ANK1: variants seen among roughly 807,000 people sequenced by gnomAD.
The protein encoded by ANK1 is ankyrin 1.
In ANK1, 51 loss-of-function variants were observed where a neutral mutation model predicts 210.4. The ratio of observed to expected loss-of-function variants is 0.24; its 90% CI spans 0.19 to 0.31. The LOEUF is 0.31. Among genes scored for constraint, ANK1 ranks in the 10% least tolerant of loss-of-function variants. ANK1 has a pLI of 1.00. For missense variants in ANK1, 2,051 were observed against 2,504.4 expected (o/e 0.82, Z 3.86); for synonymous variants, 967 against 1,025.9 (o/e 0.94, Z 1.10).
chr8:41,710,216 C>T (rs1328390412), intron 16 of ANK1, among the ~76,000 whole-genome samples: 3 of 152,166 alleles, frequency 2.0e-5, no homozygotes, highest in Non-Finnish European at 4.4e-5. Context: ...TCATCACTGC[C>T]GAAAACCACT....
chr8:41,745,117 G>GAGGAAAGGATGGAGGGGAGC (rs1471089299), intron 2 of ANK1, among the ~76,000 whole-genome samples: 16 of 152,100 alleles, frequency 1.1e-4, no homozygotes, highest in Non-Finnish European at 2.1e-4. Context: ...GAGACAGAGA[G>GAGGAAAGGATGGAGGGGAGC]AGGAAAGGAT....
intron 3 of ANK1, among the ~76,000 whole-genome samples, chr8:41,732,436 G>A (rs936170195): frequency 2.4e-4 from 37 of 152,214 alleles, no homozygotes; most frequent in African/African-American, 8.4e-4. Flanking sequence ...TTTTTGAGAG[G>A]GAGTCTGTCT....
intron 18 of ANK1, 94 bp downstream of exon 18, chr8:41,706,049 T>C: frequency 8.2e-7 from 1 of 1,221,848 alleles, no homozygotes; most frequent in Non-Finnish European, 1.2e-6. Flanking sequence ...AATGTCCCAC[T>C]GGGTCTTTGG....
chr8:41,709,262 G>A (rs1021428085), intron 16 of ANK1, among the ~76,000 whole-genome samples: 2 of 152,168 alleles, frequency 1.3e-5, no homozygotes, highest in African/African-American at 4.8e-5. Flanking sequence ...AGGAAGGCTG[G>A]GTAAGGAAAT....
At chr8:41,791,961 T>C (rs1847828013) in intron 1 of ANK1, among the ~76,000 whole-genome samples, 1 of 152,150 alleles carries the variant, frequency 6.6e-6, no homozygotes, top group East Asian at 1.9e-4. Context: ...CTAATCTGTC[T>C]ATAAACAAGT....
chr8:41,660,145 G>C (rs1807434375), intron 42 of ANK1, among the ~76,000 whole-genome samples: 1 of 152,142 alleles, frequency 6.6e-6, no homozygotes, highest in African/African-American at 2.4e-5. Context: ...TGGCAGTGCA[G>C]GGGTTAACAC....
At chr8:41,887,294 G>A (rs1446547934) in intron 1 of ANK1, among the ~76,000 whole-genome samples, 7 of 123,670 alleles carry the variant, frequency 5.7e-5, no homozygotes, top group African/African-American at 2.3e-4. Flanking sequence ...TGTCACCCAA[G>A]CTGGAGTGCT....
At chr8:41,658,903 TAA>T (rs1806757009) in intron 42 of ANK1, among the ~76,000 whole-genome samples, 1 of 60,854 alleles carries the variant, frequency 1.6e-5, no homozygotes, top group Non-Finnish European at 3.2e-5. Flanking sequence ...AAAATATAAA[TAA>T]ATAAATAAAT....
chr8:41,659,376 G>GTTGGGCGT (rs1807007686), intron 42 of ANK1, among the ~76,000 whole-genome samples: 1 of 152,234 alleles, frequency 6.6e-6, no homozygotes, highest in South Asian at 2.1e-4. Context: ...GGATTGCACG[G>GTTGGGCGT]GTTGGGCGAC....
intron 1 of ANK1, among the ~76,000 whole-genome samples, chr8:41,877,392 G>GAATTC (rs1816789350): frequency 6.6e-6 from 1 of 152,258 alleles, no homozygotes. Context: ...CTTTCCAGCT[G>GAATTC]AGACCCTGGG....
chr8:41,788,687 G>A (rs1232700829), intron 1 of ANK1, among the ~76,000 whole-genome samples: 2 of 152,074 alleles, frequency 1.3e-5, no homozygotes, highest in Non-Finnish European at 2.9e-5. Context: ...CAATCCCCTC[G>A]ATTTAGGACC....
At chr8:41,739,923 T>C (rs1171837988) in intron 2 of ANK1, among the ~76,000 whole-genome samples, 1 of 152,126 alleles carries the variant, frequency 6.6e-6, no homozygotes, top group Non-Finnish European at 1.5e-5. Context: ...CTCTTCCTTA[T>C]TACAACATGT....
chr8:41,666,197 A>G (rs1810501579), intron 39 of ANK1, among the ~76,000 whole-genome samples: 3 of 152,144 alleles, frequency 2.0e-5, no homozygotes, highest in South Asian at 4.1e-4. Context: ...TGGGACAATC[A>G]TGCCGCTTAT....
chr8:41,750,197 G>A (rs488758), intron 2 of ANK1, among the ~76,000 whole-genome samples: 47,984 of 152,064 alleles, frequency 0.32, 8,230 homozygotes, highest in East Asian at 0.65. Flanking sequence ...CCAAATGCCC[G>A]CAACCCTTTA....
intron 39 of ANK1, among the ~76,000 whole-genome samples, chr8:41,666,938 G>A (rs1810741400): frequency 6.6e-6 from 1 of 152,212 alleles, no homozygotes; most frequent in Non-Finnish European, 1.5e-5. Context: ...GAGGGAGTTG[G>A]ATGTGTGATC....
At chr8:41,840,523 G>A (rs527550879) in intron 1 of ANK1, among the ~76,000 whole-genome samples, 12 of 152,304 alleles carry the variant, frequency 7.9e-5, no homozygotes, top group Middle Eastern at 3.4e-3. Flanking sequence ...GGGGATGGAC[G>A]TCAGAGGTCC....
chr8:41,867,737 G>A (rs552454600), intron 1 of ANK1, among the ~76,000 whole-genome samples: 1 of 152,278 alleles, frequency 6.6e-6, no homozygotes, highest in African/African-American at 2.4e-5. Flanking sequence ...GCTGTCAGCT[G>A]TCTCCCCCAC....
intron 1 of ANK1, among the ~76,000 whole-genome samples, chr8:41,762,528 C>A (rs1183728195): frequency 6.6e-6 from 1 of 152,164 alleles, no homozygotes; most frequent in Non-Finnish European, 1.5e-5. Context: ...GGCGAGGCCT[C>A]CCTTGACCTA....
rs566591314 is a variant in ANK1, at chr8:41,740,428, G to C, written c.130-6359C>G. On this transcript the variant is annotated intron_variant, in intron 2 of 42. Coordinates refer to ENST00000289734, the MANE Select transcript of ANK1 (RefSeq NM_000037.4). ...ACCCGTCTCGGCCTCCCAAAGTGCT[G>C]GGATTACAGGCGTGAGCCACCACGC... 2.8e-3 allele frequency among the ~76,000 whole-genome samples: 430 copies of C among 151,006 alleles called. 3 individuals carry two copies. Among genetic ancestry groups the C allele is most frequent in the Non-Finnish European group, 2.6e-3 (177 of 67,624 alleles).
Sources: allele counts gnomAD v4.1 joint callset (sites outside exome capture counted in the v4.1 genomes callset), GRCh38; gene constraint gnomAD v4.1.1; transcripts MANE v1.5; gene names NCBI Gene and HGNC (gene_info 2026-07-23, HGNC 2026-07-21).